Variants in GFOD1 observed in about 807,000 individuals in gnomAD.
GFOD1 encodes Gfo/Idh/MocA-like oxidoreductase domain containing 1, also known as glucose-fructose oxidoreductase domain-containing protein 1.
In GFOD1, 9 loss-of-function variants were observed where a neutral mutation model predicts 25.4. The observed-to-expected ratio is 0.35, with a 90% CI of 0.21 to 0.62. The LOEUF is 0.62. Among genes scored for constraint, GFOD1 ranks in the 20% least tolerant of loss-of-function variants. The pLI, the probability that GFOD1 is intolerant of heterozygous loss-of-function variation, is 0.72. For missense variants in GFOD1, 403 were observed against 556.9 expected (o/e 0.72, Z 2.78); for synonymous variants, 253 against 245.6 (o/e 1.03, Z -0.28).
chr6:13,426,401 A>G (rs1293927187), intron 1 of GFOD1, among the ~76,000 whole-genome samples: 1 of 152,246 alleles, frequency 6.6e-6, no homozygotes, highest in Non-Finnish European at 1.5e-5. Flanking sequence ...TTACTGTGCC[A>G]TCTGGGCCAC....
chr6:13,439,244 A>G lies in GFOD1; in HGVS notation c.253+47394T>C, dbSNP rs1021538523. On this transcript the variant is annotated intron_variant, in intron 1 of 1. Coordinates refer to ENST00000379287, the MANE Select transcript of GFOD1 (RefSeq NM_018988.4). ...TCTAGGAACAAACAACTGAAAATTG[A>G]AAGAAGATAATGTGTTTCTGTAATT... Among the ~76,000 whole-genome samples, 32 of 150,916 alleles carry G rather than the reference A, an allele frequency of 2.1e-4. No individual in the cohort carries two copies. The Admixed American group carries it at 2.1e-3, about 10-fold the overall frequency.
chr6:13,477,747 T>G (rs2127578908), intron 1 of GFOD1, among the ~76,000 whole-genome samples: 2 of 152,242 alleles, frequency 1.3e-5, no homozygotes, highest in Admixed American at 1.3e-4. Flanking sequence ...ATGCCAAATG[T>G]GTATTTCACA....
chr6:13,438,944 T>C (rs1264357119), intron 1 of GFOD1, among the ~76,000 whole-genome samples: 2 of 152,200 alleles, frequency 1.3e-5, no homozygotes, highest in African/African-American at 2.4e-5. Context: ...TTATGAAACA[T>C]TGACAGAAAT....
At chr6:13,418,123 C>T (rs916857170) in intron 1 of GFOD1, among the ~76,000 whole-genome samples, 1 of 152,216 alleles carries the variant, frequency 6.6e-6, no homozygotes, top group Non-Finnish European at 1.5e-5. Context: ...CTTATCTGAC[C>T]TGGCCTCAGC....
intron 1 of GFOD1, among the ~76,000 whole-genome samples, chr6:13,368,032 C>T (rs747348363): frequency 1.5e-4 from 23 of 152,186 alleles, no homozygotes; most frequent in Non-Finnish European, 2.9e-4. Context: ...ACACTTACAA[C>T]GTGCTGAGCT....
chr6:13,364,928 G>T lies in GFOD1; in HGVS notation c.988C>A (p.Pro330Thr), dbSNP rs1384017450. The T allele has an allele frequency of 6.2e-7, 1 of 1,612,356 alleles. No homozygotes were observed. Among genetic ancestry groups the T allele is most frequent in the South Asian group, 1.1e-5 (1 of 91,076 alleles). The change falls in exon 2 of 2, where the codon CCC (proline) becomes ACC (threonine). Residue 330 changes from proline (P) to threonine (T), a missense_variant. Transcript: ENST00000379287. This position sits in a 1 kb window ranked among gnomAD's most constrained non-coding sequence, Gnocchi z 4.1. ...TCGAAGGTGGCGGCCATGGTGAGGG[G>T]CCGCCCATCCCACGTGCGCCGGTCG... The part of the protein sequence containing the change: ...QDDRRTWDGR[P>T]LTMAATFDDC...
chr6:13,444,533 T>TA (rs1227361279), intron 1 of GFOD1, among the ~76,000 whole-genome samples: 2 of 152,032 alleles, frequency 1.3e-5, no homozygotes, highest in South Asian at 4.2e-4. Context: ...CTCTAGAGTT[T>TA]AAAAAAAATC....
intron 1 of GFOD1, among the ~76,000 whole-genome samples, chr6:13,387,118 T>C (rs2439536): frequency 0.35 from 53,301 of 152,044 alleles, 10,716 homozygotes; most frequent in Non-Finnish European, 0.45. Flanking sequence ...ACACAAGAAA[T>C]TGAAATTGCA....
chr6:13,470,827 G>C (rs1758486881), intron 1 of GFOD1, among the ~76,000 whole-genome samples: 1 of 152,152 alleles, frequency 6.6e-6, no homozygotes, highest in Non-Finnish European at 1.5e-5. Flanking sequence ...TAGTGTGTGT[G>C]CACTCACACT....
chr6:13,442,790 T>C lies in GFOD1; in HGVS notation c.253+43848A>G, dbSNP rs56758479. On this transcript the variant is annotated intron_variant, in intron 1 of 1. Transcript: ENST00000379287. The stretch of plus-strand genomic sequence containing the variant: ...TTCCTCTCGAACCATTACTGCTTAT[T>C]GACAATCCACCTGGTCACCCAAGAG... Among the ~76,000 whole-genome samples the C allele has an allele frequency of 4.7e-3, 721 of 152,374 alleles. 5 individuals are homozygous for C. Among genetic ancestry groups the C allele is most frequent in the African/African-American group, 0.016 (674 of 41,588 alleles).
intron 1 of GFOD1, among the ~76,000 whole-genome samples, chr6:13,379,093 T>C (rs986391809): frequency 6.6e-6 from 1 of 152,158 alleles, no homozygotes; most frequent in African/African-American, 2.4e-5. Context: ...CCAGCTCCAA[T>C]GGTAGACGCA....
At chr6:13,409,149 G>GGAA (rs761435261) in intron 1 of GFOD1, among the ~76,000 whole-genome samples, 629 of 36,476 alleles carry the variant, frequency 0.017, 201 homozygotes, top group South Asian at 0.069. Flanking sequence ...AAGAAAGAAA[G>GGAA]AGAGGAAAGA....
chr6:13,417,156 T>C (rs1786175968), intron 1 of GFOD1, among the ~76,000 whole-genome samples: 2 of 152,250 alleles, frequency 1.3e-5, no homozygotes, highest in East Asian at 1.9e-4. Context: ...AGAACTCTAG[T>C]ACTCCATGTT....
At chr6:13,458,103 T>C (rs1388955494) in intron 1 of GFOD1, among the ~76,000 whole-genome samples, 3 of 152,162 alleles carry the variant, frequency 2.0e-5, no homozygotes, top group Non-Finnish European at 4.4e-5. Context: ...AATTATACAA[T>C]TTTTGTTGTT....
At chr6:13,466,346 T>A (rs924445106) in intron 1 of GFOD1, among the ~76,000 whole-genome samples, 1 of 152,240 alleles carries the variant, frequency 6.6e-6, no homozygotes, top group African/African-American at 2.4e-5. Flanking sequence ...GTTTTACATT[T>A]ATACTGGCCT....
At chr6:13,445,826 C>T (rs1584656635) in intron 1 of GFOD1, among the ~76,000 whole-genome samples, 1 of 152,192 alleles carries the variant, frequency 6.6e-6, no homozygotes, top group South Asian at 2.1e-4. Context: ...ACAGGCTTGT[C>T]CTGCTGGGTT....
chr6:13,365,752 T>A lies in GFOD1; in HGVS notation c.254-90A>T. Reference sequence around the variant, plus strand: ...CAGATCTTAAAATATTTCACATTAATAGAAAAAGAAGGTCAGATGTGGTGG... The same window carrying A: ...CAGATCTTAAAATATTTCACATTAAAAGAAAAAGAAGGTCAGATGTGGTGG... On this transcript the variant is annotated intron_variant, in intron 1 of 1. Transcript: ENST00000379287. This position sits in a 1 kb window ranked among gnomAD's most constrained non-coding sequence, Gnocchi z 9.2. 1 of 1,008,798 alleles carries A rather than the reference T, an allele frequency of 9.9e-7. No individual in the cohort carries two copies. The highest frequency in any genetic ancestry group is 1.5e-5 in the South Asian group (1 of 65,024). The allele number at this position is 1,008,798 out of a possible 1,614,324, so 62.5% of individuals were successfully genotyped here.
At chr6:13,412,852 C>T (rs2127566490) in intron 1 of GFOD1, among the ~76,000 whole-genome samples, 2 of 152,340 alleles carry the variant, frequency 1.3e-5, no homozygotes, top group African/African-American at 4.8e-5. Context: ...CTCCTCTGAG[C>T]AAAGCTATTA....
intron 1 of GFOD1, among the ~76,000 whole-genome samples, chr6:13,465,787 C>T (rs114651612): frequency 2.3e-3 from 343 of 152,258 alleles, no homozygotes; most frequent in African/African-American, 7.8e-3. Context: ...GAATGAGAAA[C>T]CTACCAAGGT....
Sources: allele counts gnomAD v4.1 joint callset (sites outside exome capture counted in the v4.1 genomes callset), GRCh38; gene constraint gnomAD v4.1.1; non-coding constraint Gnocchi (gnomAD v3.1); transcripts MANE v1.5; gene names NCBI Gene and HGNC (gene_info 2026-07-23, HGNC 2026-07-21).